The following DYNC1I1 variants were observed in gnomAD, a reference collection of about 807,000 sequenced individuals.
DYNC1I1 encodes dynein cytoplasmic 1 intermediate chain 1.
In DYNC1I1, 43 loss-of-function variants were observed where a neutral mutation model predicts 86.6. That is an observed-to-expected ratio of 0.50 (90% CI 0.39 to 0.64). The LOEUF is 0.64. Among genes scored for constraint, DYNC1I1 ranks in the 30% least tolerant of loss-of-function variants. The pLI is 0.00. For synonymous variants in DYNC1I1, 262 were observed against 283.7 expected (o/e 0.92, Z 0.77); for missense variants, 604 against 788.8 (o/e 0.77, Z 2.81).
At chr7:95,994,437 T>C (rs532684098) in intron 9 of DYNC1I1, among the ~76,000 whole-genome samples, 127 of 152,296 alleles carry the variant, frequency 8.3e-4, no homozygotes, top group African/African-American at 2.8e-3. Flanking sequence ...TAAGTCAGGA[T>C]TGTCTGGAGG....
intron 4 of DYNC1I1, among the ~76,000 whole-genome samples, chr7:95,819,322 G>T (rs1795021974): frequency 6.6e-6 from 1 of 152,048 alleles, no homozygotes; most frequent in Non-Finnish European, 1.5e-5. Context: ...AATTCGTTGT[G>T]GGCAACTTGT....
At chr7:95,918,485 T>A (rs1396406831) in intron 6 of DYNC1I1, among the ~76,000 whole-genome samples, 2 of 152,180 alleles carry the variant, frequency 1.3e-5, no homozygotes, top group South Asian at 2.1e-4. Context: ...TTCTTGTTCA[T>A]GAGGGAAATT....
chr7:95,930,693 T>C (rs1791869100), intron 6 of DYNC1I1, among the ~76,000 whole-genome samples: 2 of 152,234 alleles, frequency 1.3e-5, no homozygotes, highest in African/African-American at 4.8e-5. Context: ...TGGCAGTTAA[T>C]TAAAACTAGG....
chr7:95,912,353 T>C (rs190108812), intron 6 of DYNC1I1, among the ~76,000 whole-genome samples: 131 of 152,286 alleles, frequency 8.6e-4, no homozygotes, highest in African/African-American at 3.1e-3. Context: ...AACATCTTGA[T>C]GCTAAGAAAG....
intron 7 of DYNC1I1, 128 bp downstream of exon 7, chr7:95,977,729 T>C (rs1793345153): frequency 1.4e-6 from 1 of 718,272 alleles, no homozygotes; most frequent in Non-Finnish European, 2.2e-6. Context: ...TTTTCTATGA[T>C]TGTTCAATAC....
chr7:96,007,741 A>T (rs1479804385), intron 10 of DYNC1I1, among the ~76,000 whole-genome samples: 1 of 152,200 alleles, frequency 6.6e-6, no homozygotes, highest in Non-Finnish European at 1.5e-5. Context: ...AGGCTAATGG[A>T]TTTTTACTGC....
chr7:96,099,158 G>C (rs118137579), downstream of DYNC1I1, among the ~76,000 whole-genome samples: 578 of 152,312 alleles, frequency 3.8e-3, 2 homozygotes, highest in Non-Finnish European at 6.4e-3. Flanking sequence ...TGCAAAACGC[G>C]TGCATTATTA....
At chr7:96,099,801 A>G (rs958506728), downstream of DYNC1I1, among the ~76,000 whole-genome samples, 24 of 152,194 alleles carry the variant, frequency 1.6e-4, no homozygotes, top group African/African-American at 5.5e-4. Flanking sequence ...GAACATAAAC[A>G]TTCAGTCCAC....
At chr7:95,889,082 C>T (rs74389901) in intron 6 of DYNC1I1, among the ~76,000 whole-genome samples, 3,701 of 152,018 alleles carry the variant, frequency 0.024, 130 homozygotes, top group African/African-American at 0.076. Context: ...ACCTAGTGAG[C>T]CTAGTAGAAA....
chr7:95,963,164 C>G (rs1201405661), intron 6 of DYNC1I1, among the ~76,000 whole-genome samples: 1 of 152,156 alleles, frequency 6.6e-6, no homozygotes, highest in Non-Finnish European at 1.5e-5. Context: ...CAAAATCCAA[C>G]TCGAATTGAA....
chr7:96,048,137 T>A (rs1280902087), intron 14 of DYNC1I1, among the ~76,000 whole-genome samples: 1 of 152,072 alleles, frequency 6.6e-6, no homozygotes, highest in Non-Finnish European at 1.5e-5. Flanking sequence ...CCAGGTCCTG[T>A]AAGAGATGGG....
At chr7:95,845,554 G>A (rs369884155) in intron 5 of DYNC1I1, among the ~76,000 whole-genome samples, 4 of 152,270 alleles carry the variant, frequency 2.6e-5, no homozygotes, top group Admixed American at 6.5e-5. Flanking sequence ...ACAATGCCTG[G>A]TATGTTCTTG....
intron 16 of DYNC1I1, among the ~76,000 whole-genome samples, chr7:96,092,185 TAA>T (rs5885941): frequency 6.8e-6 from 1 of 147,762 alleles, no homozygotes; most frequent in Non-Finnish European, 1.5e-5. Context: ...GGTATACTTC[TAA>T]AAAAAAAAGT....
At chr7:95,912,284 G>A (rs1025225471) in intron 6 of DYNC1I1, among the ~76,000 whole-genome samples, 2 of 152,250 alleles carry the variant, frequency 1.3e-5, no homozygotes, top group South Asian at 2.1e-4. Flanking sequence ...TGATCCACCC[G>A]CTTTGGCCTC....
intron 2 of DYNC1I1, among the ~76,000 whole-genome samples, chr7:95,809,582 C>T (rs1380791747): frequency 6.6e-6 from 1 of 152,012 alleles, no homozygotes; most frequent in Non-Finnish European, 1.5e-5. Context: ...TTAAATTTCC[C>T]CTAGAATCCC....
chr7:95,885,603 C>T lies in DYNC1I1; in HGVS notation c.490+15605C>T, dbSNP rs1177686738. Among the ~76,000 whole-genome samples, 3 of 152,160 alleles carry T rather than the reference C, an allele frequency of 2.0e-5. No homozygotes were observed. The South Asian group carries it at 6.2e-4, about 32-fold the overall frequency. ...AAAGGATCCTCCCTCCTCAGCCTCCCAAGTAGCTGAGGAAACAGGTGCATG... is the reference window on the plus strand; with the variant it reads ...AAAGGATCCTCCCTCCTCAGCCTCCTAAGTAGCTGAGGAAACAGGTGCATG... On this transcript the variant is annotated intron_variant, in intron 6 of 16. Transcript: ENST00000447467.
intron 14 of DYNC1I1, among the ~76,000 whole-genome samples, chr7:96,046,246 G>A (rs1324714461): frequency 6.6e-6 from 1 of 152,138 alleles, no homozygotes; most frequent in Non-Finnish European, 1.5e-5. Context: ...ACTTGATTGT[G>A]TTGATTTATT....
At chr7:95,942,761 A>C (rs1222152465) in intron 6 of DYNC1I1, among the ~76,000 whole-genome samples, 4 of 147,074 alleles carry the variant, frequency 2.7e-5, no homozygotes, top group East Asian at 2.0e-4. Context: ...AACAGAACCA[A>C]AGACAAAAAC....
At chr7:96,102,535 T>C (rs929031459), downstream of DYNC1I1, among the ~76,000 whole-genome samples, 1 of 152,204 alleles carries the variant, frequency 6.6e-6, no homozygotes, top group African/African-American at 2.4e-5. Context: ...GCACAGCACC[T>C]GGTAAGCCTC....
Sources: gnomAD v4.1 joint callset for allele counts (sites outside exome capture counted in the v4.1 genomes callset) on GRCh38, gnomAD v4.1.1 for gene constraint, MANE v1.5 for transcripts, NCBI Gene and HGNC (gene_info 2026-07-23, HGNC 2026-07-21) for gene names.